DGKD: variants seen among roughly 807,000 people sequenced by gnomAD.
DGKD encodes diacylglycerol kinase delta.
Under a neutral mutation model 154.4 loss-of-function variants are expected in DGKD, and 68 were observed. The ratio of observed to expected loss-of-function variants is 0.44; its 90% CI spans 0.36 to 0.54. The LOEUF (loss-of-function observed/expected upper bound fraction) is 0.54. Ranked by LOEUF, DGKD falls within the 20% of genes least tolerant of loss-of-function variation. The probability of loss-of-function intolerance (pLI) is 0.00; values close to 1 mark genes in which losing one functional copy is unlikely to be tolerated. For synonymous variants in DGKD, 693 were observed against 638.0 expected (o/e 1.09, Z -1.30); for missense variants, 1,343 against 1,593.6 (o/e 0.84, Z 2.68).
chr2:233,368,726 C>A (rs1324275867), intron 1 of DGKD, among the ~76,000 whole-genome samples: 2 of 152,106 alleles, frequency 1.3e-5, no homozygotes, highest in African/African-American at 4.8e-5. Context: ...GGATTCATGG[C>A]AATTTTTATT....
intron 1 of DGKD, among the ~76,000 whole-genome samples, chr2:233,359,120 T>C (rs551855611): frequency 5.3e-5 from 8 of 152,356 alleles, no homozygotes; most frequent in African/African-American, 1.9e-4. Flanking sequence ...TAATGCCATT[T>C]TATTGTCGGA....
At chr2:233,378,322 GA>G (rs1702697201) in intron 1 of DGKD, among the ~76,000 whole-genome samples, 1 of 151,464 alleles carries the variant, frequency 6.6e-6, no homozygotes, top group African/African-American at 2.4e-5. Flanking sequence ...TGAGACGGGA[GA>G]ATTGCTTGAA....
In DGKD at chr2:233,458,248, G is replaced by A. The variant is rs370466500; in HGVS notation, c.2581-36G>A. The A allele has an allele frequency of 2.0e-5, 28 of 1,432,516 alleles. No individual in the cohort carries two copies. The African/African-American group carries it at 3.9e-4, about 20-fold the overall frequency. The allele number at this position is 1,432,516 out of a possible 1,614,324, so 88.7% of individuals were successfully genotyped here. On this transcript the variant is annotated intron_variant, in intron 21 of 29. Transcript: ENST00000264057. The surrounding 1 kb of genome is among the most constrained non-coding windows in gnomAD (Gnocchi z 6.6). ...AGGGGCGGCCTGTGCTCGGGGATGT[G>A]TGGAGTGGTGGTCAGCTCTAACGTG...
intron 1 of DGKD, among the ~76,000 whole-genome samples, chr2:233,357,205 G>T (rs1464090537): frequency 6.6e-6 from 1 of 152,218 alleles, no homozygotes; most frequent in Non-Finnish European, 1.5e-5. Flanking sequence ...TGCTGCGGAT[G>T]TACTGTTCCC....
At position 233,388,254 on chromosome 2, in the gene DGKD, C is replaced by T. The variant is rs1363165351; in HGVS notation, c.157-3C>T. 1 of 1,611,958 alleles carries T rather than the reference C, an allele frequency of 6.2e-7. No homozygotes were observed. The highest frequency in any genetic ancestry group is 8.5e-7 in the Non-Finnish European group (1 of 1,179,458). On this transcript the variant is annotated splice_polypyrimidine_tract_variant and splice_region_variant and intron_variant, in intron 1 of 29. Coordinates refer to ENST00000264057, the MANE Select transcript of DGKD (RefSeq NM_152879.3). ...GTTTATGAATATGTTTCTGTACTTT[C>T]AGACCATCATCAAAGAGGGGATGCT... is the stretch of plus-strand genomic sequence containing the variant.
chr2:233,356,628 A>G (rs1701543575), intron 1 of DGKD, among the ~76,000 whole-genome samples: 1 of 152,202 alleles, frequency 6.6e-6, no homozygotes, highest in Admixed American at 6.5e-5. Context: ...CTCCTAAAAC[A>G]ATAGCTGCTA....
chr2:233,449,232 A>G lies in DGKD; in HGVS notation c.1744A>G (p.Ser582Gly), dbSNP rs764791542. Residue 582 changes from serine (S) to glycine (G), a missense_variant, in exon 15 of 30, where the codon AGC becomes GGC. Ser to Gly is a moderately conservative substitution (Grantham distance 56, BLOSUM62 0). Around this residue, in one of 6 missense-constraint regions of DGKD, gnomAD observed 409 missense variants for 446.0 expected, o/e 0.92. Coordinates refer to ENST00000264057, the MANE Select transcript of DGKD (RefSeq NM_152879.3). The surrounding 1 kb of genome is among the most constrained non-coding windows in gnomAD (Gnocchi z 5.3). ...GGCTGAAGATGGAGATGGGTCGGGC[A>G]GCATCTGCGGTTCCACCGGAGACCG... Reference protein sequence around the residue: ...EEAEDGDGSGSICGSTGDRLV... With the variant: ...EEAEDGDGSGGICGSTGDRLV... 1.2e-6 allele frequency: 2 copies of G among 1,613,900 alleles called. No individual in the cohort carries two copies.
At chr2:233,461,489 C>T (rs72980368) in intron 24 of DGKD, among the ~76,000 whole-genome samples, 5 of 152,358 alleles carry the variant, frequency 3.3e-5, no homozygotes, top group South Asian at 2.1e-4. Context: ...TCCTTCCTGG[C>T]GCTGCATTCT....
At chr2:233,389,825 G>T (rs1009859352) in intron 2 of DGKD, among the ~76,000 whole-genome samples, 1 of 152,254 alleles carries the variant, frequency 6.6e-6, no homozygotes, top group South Asian at 2.1e-4. Flanking sequence ...TCCCAGCCCT[G>T]CCCTGGAGCA....
chr2:233,412,722 G>A (rs1454313540), intron 3 of DGKD, among the ~76,000 whole-genome samples: 3 of 152,186 alleles, frequency 2.0e-5, no homozygotes, highest in African/African-American at 7.2e-5. Flanking sequence ...GATGTTAGCT[G>A]TAGGCTTTTT....
At chr2:233,435,448 T>C (rs1412467186) in intron 5 of DGKD, among the ~76,000 whole-genome samples, 3 of 152,162 alleles carry the variant, frequency 2.0e-5, no homozygotes, top group Non-Finnish European at 4.4e-5. Flanking sequence ...AGAAGAATCA[T>C]ATTTTGTGAC....
At chr2:233,416,595 A>G (rs1376853388) in intron 3 of DGKD, among the ~76,000 whole-genome samples, 1 of 152,216 alleles carries the variant, frequency 6.6e-6, no homozygotes, top group African/African-American at 2.4e-5. Flanking sequence ...GGGTATATGC[A>G]GATTTACCAT....
At position 233,438,044 on chromosome 2, in the gene DGKD, T is replaced by C. The variant is rs1376000011; in HGVS notation, c.923-173T>C. Among the ~76,000 whole-genome samples, 2 of 152,208 alleles carry C rather than the reference T, an allele frequency of 1.3e-5. No individual in the cohort carries two copies. Among genetic ancestry groups the C allele is most frequent in the Non-Finnish European group, 2.9e-5 (2 of 68,030 alleles). On this transcript the variant is annotated intron_variant, in intron 8 of 29. Transcript: ENST00000264057. This position sits in a 1 kb window ranked among gnomAD's most constrained non-coding sequence, Gnocchi z 4.1. ...GGTCAGATGGATGGGGCTCCCGGCC[T>C]CACACATGGAGACCGGCTGTGGGGA...
At chr2:233,420,199 C>G (rs73995948) in intron 3 of DGKD, among the ~76,000 whole-genome samples, 4,622 of 152,174 alleles carry the variant, frequency 0.03, 228 homozygotes, top group African/African-American at 0.11. Context: ...TTCCCCTCCC[C>G]CAGTTCCCTC....
At position 233,470,026 on chromosome 2, in the gene DGKD, A is replaced by G. The variant is rs1166690529; in HGVS notation, c.*566A>G. The G allele has an allele frequency of 6.6e-6, 1 of 152,222 alleles. No homozygotes were observed. Among genetic ancestry groups the G allele is most frequent in the African/African-American group, 2.4e-5 (1 of 41,354 alleles). 9.4% of individuals were successfully genotyped at this position (152,222 alleles called of 1,614,324 possible). On this transcript the variant is annotated 3_prime_UTR_variant, in exon 30 of 30. Transcript: ENST00000264057. ...AGCATGGATGTTTCCAGTCTTGTTG[A>G]TTGTAATTTGACGTGAAGAGAAAAA...
chr2:233,438,270 G>A lies in DGKD; in HGVS notation c.976G>A (p.Val326Ile), dbSNP rs148849509. Reference protein sequence around the residue: ...PSCTSPLLVFVNSKSGDNQGV... With the variant: ...PSCTSPLLVFINSKSGDNQGV... Reference sequence around the variant, plus strand: ...TTGCACAAGCCCACTGTTGGTCTTCGTCAATTCAAAAAGTGGGGACAACCA... The same window carrying A: ...TTGCACAAGCCCACTGTTGGTCTTCATCAATTCAAAAAGTGGGGACAACCA... Residue 326 changes from valine to isoleucine, a missense_variant, in exon 9 of 30, where the codon GTC (valine) becomes ATC (isoleucine). By Grantham distance (29) the Val-to-Ile change is conservative. Around this residue, in one of 6 missense-constraint regions of DGKD, gnomAD observed 332 missense variants for 400.1 expected, o/e 0.83. Coordinates refer to ENST00000264057, the MANE Select transcript of DGKD (RefSeq NM_152879.3). This position sits in a 1 kb window ranked among gnomAD's most constrained non-coding sequence, Gnocchi z 4.1. The A allele has an allele frequency of 2.3e-5, 37 of 1,614,000 alleles. No homozygotes were observed. The highest frequency in any genetic ancestry group is 1.5e-4 in the African/African-American group (11 of 74,910).
intron 1 of DGKD, among the ~76,000 whole-genome samples, chr2:233,377,827 T>C (rs1323354588): frequency 6.6e-6 from 1 of 152,124 alleles, no homozygotes; most frequent in Non-Finnish European, 1.5e-5. Context: ...TTTGTTTGTT[T>C]TGAGATAGAG....
chr2:233,408,002 A>G (rs1479914720), intron 3 of DGKD, among the ~76,000 whole-genome samples: 1 of 150,456 alleles, frequency 6.6e-6, no homozygotes, highest in African/African-American at 2.4e-5. Flanking sequence ...TCTGGGCAAA[A>G]TTCCTAAGCC....
intron 1 of DGKD, among the ~76,000 whole-genome samples, chr2:233,366,591 G>C (rs552529289): frequency 6.6e-6 from 1 of 152,318 alleles, no homozygotes; most frequent in South Asian, 2.1e-4. Flanking sequence ...CACTACCCCA[G>C]TTTTGCCAAT....
Sources: allele counts gnomAD v4.1 joint callset (sites outside exome capture counted in the v4.1 genomes callset), GRCh38; gene constraint gnomAD v4.1.1; regional missense constraint gnomAD v4.1.1; non-coding constraint Gnocchi (gnomAD v3.1); transcripts MANE v1.5; gene names NCBI Gene and HGNC (gene_info 2026-07-23, HGNC 2026-07-21).